Variants in LINGO2 observed in about 807,000 individuals in gnomAD.
LINGO2 encodes the protein leucine rich repeat and Ig domain containing 2.
In LINGO2, 14 loss-of-function variants were observed where a neutral mutation model predicts 30.6. The ratio of observed to expected loss-of-function variants is 0.46; its 90% CI spans 0.30 to 0.72. LINGO2 has a LOEUF of 0.72. Among genes scored for constraint, LINGO2 ranks in the 30% least tolerant of loss-of-function variants. The pLI, the probability that LINGO2 is intolerant of heterozygous loss-of-function variation, is 0.07. For synonymous variants in LINGO2, 317 were observed against 288.5 expected (o/e 1.10, Z -1.00); for missense variants, 729 against 751.7 (o/e 0.97, Z 0.35).
chr9:28,043,374 CTT>C (rs1270201233), intron 4 of LINGO2, among the ~76,000 whole-genome samples: 2 of 152,128 alleles, frequency 1.3e-5, no homozygotes, highest in African/African-American at 2.4e-5. Flanking sequence ...GACTACCTCT[CTT>C]TACTGTACAC....
intron 1 of LINGO2, among the ~76,000 whole-genome samples, chr9:28,508,152 A>G (rs1479924045): frequency 6.6e-6 from 1 of 152,052 alleles, no homozygotes; most frequent in Non-Finnish European, 1.5e-5. Context: ...TTTACATGAA[A>G]TTATCAATAC....
the LINGO2 span, among the ~76,000 whole-genome samples, chr9:28,736,152 G>T: frequency 6.6e-6 from 1 of 152,174 alleles, no homozygotes; most frequent in Admixed American, 6.5e-5. Context: ...GTCAGGACAT[G>T]CCCAGTACGT....
the LINGO2 span, among the ~76,000 whole-genome samples, chr9:28,867,230 T>A: frequency 2.0e-5 from 3 of 151,740 alleles, no homozygotes; most frequent in African/African-American, 7.3e-5. Flanking sequence ...CTAAAAAGAA[T>A]GAAAATAGTA....
the LINGO2 span, among the ~76,000 whole-genome samples, chr9:28,716,292 A>T: frequency 6.6e-6 from 1 of 152,072 alleles, no homozygotes; most frequent in Non-Finnish European, 1.5e-5. Flanking sequence ...GAAAAATTAG[A>T]AAAACAGAGG....
chr9:28,794,955 C>T, the LINGO2 span, among the ~76,000 whole-genome samples: 2 of 151,808 alleles, frequency 1.3e-5, no homozygotes, highest in Non-Finnish European at 2.9e-5. Flanking sequence ...CTCAACCTCC[C>T]GAGTAGCTGG....
the LINGO2 span, among the ~76,000 whole-genome samples, chr9:28,978,461 G>A: frequency 1.3e-5 from 2 of 152,122 alleles, no homozygotes; most frequent in African/African-American, 2.4e-5. Flanking sequence ...TTGTGAGGCT[G>A]TGGGGAGGAA....
chr9:28,404,860 G>C (rs1464758663), intron 2 of LINGO2, among the ~76,000 whole-genome samples: 1 of 151,216 alleles, frequency 6.6e-6, no homozygotes, highest in East Asian at 2.0e-4. Flanking sequence ...GAAATGTATG[G>C]AAGAATGTGA....
At chr9:27,981,676 G>A (rs141455786) in intron 5 of LINGO2, among the ~76,000 whole-genome samples, 1 of 151,542 alleles carries the variant, frequency 6.6e-6, no homozygotes, top group East Asian at 2.0e-4. Context: ...TGAGAGAGCA[G>A]ATCTTCATTG....
At chr9:28,367,667 C>T (rs1388625852) in intron 3 of LINGO2, among the ~76,000 whole-genome samples, 2 of 151,990 alleles carry the variant, frequency 1.3e-5, no homozygotes, top group African/African-American at 4.8e-5. Context: ...TCTTCTCTCT[C>T]TGGAAGCTGT....
chr9:27,977,621 T>A (rs1820662692), intron 5 of LINGO2, among the ~76,000 whole-genome samples: 1 of 151,916 alleles, frequency 6.6e-6, no homozygotes, highest in Admixed American at 6.6e-5. Flanking sequence ...GTGAGCATAC[T>A]AAACAGCAGC....
the LINGO2 span, among the ~76,000 whole-genome samples, chr9:29,179,030 T>C: frequency 1.1e-4 from 17 of 151,532 alleles, no homozygotes; most frequent in East Asian, 3.1e-3. Context: ...CAAAGGGATA[T>C]AGGCTGAGCT....
intron 5 of LINGO2, among the ~76,000 whole-genome samples, chr9:27,966,467 G>A (rs990597662): frequency 2.6e-5 from 4 of 152,032 alleles, no homozygotes; most frequent in African/African-American, 9.7e-5. Flanking sequence ...AACTAACACA[G>A]GAACAGAAAA....
intron 5 of LINGO2, among the ~76,000 whole-genome samples, chr9:27,960,766 T>C (rs142101232): frequency 5.0e-4 from 76 of 152,154 alleles, no homozygotes; most frequent in African/African-American, 1.8e-3. Flanking sequence ...AAATTTAATA[T>C]AGTTATTGAT....
the LINGO2 span, among the ~76,000 whole-genome samples, chr9:29,081,108 G>C: frequency 1.3e-5 from 2 of 152,024 alleles, no homozygotes; most frequent in African/African-American, 4.8e-5. Context: ...CCAAAGCCTG[G>C]CAGAGACACA....
chr9:28,912,662 A>G, the LINGO2 span, among the ~76,000 whole-genome samples: 1 of 152,118 alleles, frequency 6.6e-6, no homozygotes, highest in Non-Finnish European at 1.5e-5. Flanking sequence ...GTCTTCATTG[A>G]CATCATGTGT....
the LINGO2 span, among the ~76,000 whole-genome samples, chr9:28,900,225 C>T: frequency 6.6e-6 from 1 of 152,158 alleles, no homozygotes; most frequent in African/African-American, 2.4e-5. Flanking sequence ...GGCCAGTCCC[C>T]ACGGTTCCAG....
chr9:28,479,680 G>A (rs978106562), intron 1 of LINGO2, among the ~76,000 whole-genome samples: 1 of 151,180 alleles, frequency 6.6e-6, no homozygotes, highest in Admixed American at 6.6e-5. Flanking sequence ...ACAAGAATAT[G>A]CTTATTTCTT....
the LINGO2 span, among the ~76,000 whole-genome samples, chr9:29,011,813 A>G: frequency 6.6e-6 from 1 of 152,318 alleles, no homozygotes; most frequent in African/African-American, 2.4e-5. Flanking sequence ...TACCTTATGA[A>G]GTAGTTCTTC....
chr9:29,145,927 ATG>A, the LINGO2 span, among the ~76,000 whole-genome samples: 11 of 152,314 alleles, frequency 7.2e-5, no homozygotes, highest in South Asian at 2.3e-3. Flanking sequence ...TAAGTTATAT[ATG>A]TGTATGTATA....
Sources: allele counts gnomAD v4.1 joint callset (sites outside exome capture counted in the v4.1 genomes callset), GRCh38; gene constraint gnomAD v4.1.1; transcripts MANE v1.5; gene names NCBI Gene and HGNC (gene_info 2026-07-23, HGNC 2026-07-21).